CASR: variants seen among roughly 807,000 people sequenced by gnomAD.
CASR encodes calcium sensing receptor.
A neutral mutation model predicts 69.1 loss-of-function variants in CASR; 23 were observed. That is an observed-to-expected ratio of 0.33 (90% CI 0.24 to 0.47). CASR has a LOEUF of 0.47. Ranked by LOEUF, CASR falls within the 20% of genes least tolerant of loss-of-function variation. The pLI, the probability that CASR is intolerant of heterozygous loss-of-function variation, is 1.00. For synonymous variants in CASR, 541 were observed against 544.7 expected (o/e 0.99, Z 0.10); for missense variants, 924 against 1,356.1 (o/e 0.68, Z 5.00).
chr3:122,257,091 C>T lies in CASR; in HGVS notation c.196C>T (p.Arg66Cys), dbSNP rs121909266. 4 of 1,613,986 alleles carry T rather than the reference C, an allele frequency of 2.5e-6. No individual in the cohort carries two copies. Among genetic ancestry groups the T allele is most frequent in the South Asian group, 1.1e-5 (1 of 91,078 alleles). ...TCTTCTTTCTTCCAGGTATAATTTC[C>T]GTGGGTTTCGCTGGTTACAGGCTAT... ...ESVECIRYNF[R>C]GFRWLQAMIF... The change falls in exon 3 of 7, where the codon CGT (arginine) becomes TGT (cysteine). Residue 66 changes from arginine (R) to cysteine (C), a missense_variant. Coordinates refer to ENST00000639785, the MANE Select transcript of CASR (RefSeq NM_000388.4).
Position 122,285,507 on chromosome 3 carries a change from T to A in CASR, c.*316T>A. Reference sequence around the variant, plus strand: ...CCACCCAACAGCTCAGAGATGAAACTATGGCTTTAAACTACCCTCCAGAGT... The same window carrying A: ...CCACCCAACAGCTCAGAGATGAAACAATGGCTTTAAACTACCCTCCAGAGT... On this transcript the variant is annotated 3_prime_UTR_variant, in exon 7 of 7. Coordinates refer to ENST00000639785, the MANE Select transcript of CASR (RefSeq NM_000388.4). 1 of 365,194 alleles carries A rather than the reference T, an allele frequency of 2.7e-6. No homozygotes were observed. The highest frequency in any genetic ancestry group is 2.6e-5 in the South Asian group (1 of 39,130). The allele number at this position is 365,194 out of a possible 1,614,324, so 22.6% of individuals were successfully genotyped here.
rs1241324509 is a variant in CASR at position 122,289,196 on chromosome 3, A to G, written c.*4005A>G. The G allele has an allele frequency of 2.0e-5, 3 of 152,228 alleles. No homozygotes were observed. Among genetic ancestry groups the G allele is most frequent in the African/African-American group, 7.2e-5 (3 of 41,450 alleles). The allele number at this position is 152,228 out of a possible 1,614,324, so 9.4% of individuals were successfully genotyped here. A position where few individuals can be genotyped will look rare whatever the true frequency, so the allele number is the denominator to read the frequency against. On this transcript the variant is annotated 3_prime_UTR_variant, in exon 7 of 7. Coordinates refer to ENST00000639785, the MANE Select transcript of CASR (RefSeq NM_000388.4). ...TTGCTACAAGAATAATGGAACATCA[A>G]TAAGGGGTGCTAATCACCGGAGGAG...
rs2074959633 is a variant in CASR, at chr3:122,285,516, A to C, written c.*325A>C. ...AGCTCAGAGATGAAACTATGGCTTT[A>C]AACTACCCTCCAGAGTGTGCAGACT... On this transcript the variant is annotated 3_prime_UTR_variant, in exon 7 of 7. Transcript: ENST00000639785. 2 of 355,694 alleles carry C rather than the reference A, an allele frequency of 5.6e-6. No individual in the cohort carries two copies. The highest frequency in any genetic ancestry group is 1.4e-4 in the East Asian group (2 of 14,788). The allele number at this position is 355,694 out of a possible 1,614,324, so 22.0% of individuals were successfully genotyped here.
At chr3:122,241,375 A>G (rs2074378102) in intron 1 of CASR, among the ~76,000 whole-genome samples, 1 of 152,186 alleles carries the variant, frequency 6.6e-6, no homozygotes, top group South Asian at 2.1e-4. Flanking sequence ...AGAAATTCAA[A>G]GGAACATTAG....
intron 1 of CASR, among the ~76,000 whole-genome samples, chr3:122,186,799 G>GT (rs2073789727): frequency 6.6e-6 from 1 of 152,142 alleles, no homozygotes; most frequent in Non-Finnish European, 1.5e-5. Flanking sequence ...TGTTGTTTAC[G>GT]TAGGACCAGA....
chr3:122,255,236 G>T (rs1349751440), intron 2 of CASR, among the ~76,000 whole-genome samples: 1 of 150,762 alleles, frequency 6.6e-6, no homozygotes, highest in Non-Finnish European at 1.5e-5. Flanking sequence ...GCAGAATATG[G>T]TTGGGACTGT....
chr3:122,285,082 AG>A lies in CASR; in HGVS notation c.3130del (p.Val1044TrpfsTer12). 6.2e-7 allele frequency: 1 copy of A among 1,614,232 alleles called. No individual in the cohort carries two copies. Among genetic ancestry groups the A allele is most frequent in the South Asian group, 1.1e-5 (1 of 91,090 alleles). On this transcript the variant is annotated frameshift_variant, in exon 7 of 7. Transcript: ENST00000639785. LOFTEE classifies it high-confidence loss of function. ...CCTGTGGGTGGAGACCAGCGGCCAG[AG>A]GTGGAGGACCCTGAAGAGTTGTCCC... ...QGPVGGDQRP[E>X]VEDPEELSPA... is the part of the protein sequence containing the mutation.
intron 1 of CASR, among the ~76,000 whole-genome samples, chr3:122,224,990 G>A (rs902028263): frequency 6.6e-6 from 1 of 152,114 alleles, no homozygotes; most frequent in African/African-American, 2.4e-5. Context: ...TTCAGTAAAT[G>A]GTGCTGGGTT....
rs2107654195 is a variant in CASR at position 122,288,474 on chromosome 3, T to TA, written c.*3284dup. 1 of 152,368 alleles carries TA rather than the reference T, an allele frequency of 6.6e-6. No individual in the cohort carries two copies. Among genetic ancestry groups the TA allele is most frequent in the South Asian group, 2.1e-4 (1 of 4,830 alleles). The allele number at this position is 152,368 out of a possible 1,614,324, so 9.4% of individuals were successfully genotyped here. A position where few individuals can be genotyped will look rare whatever the true frequency, so the allele number is the denominator to read the frequency against. On this transcript the variant is annotated 3_prime_UTR_variant, in exon 7 of 7. Coordinates refer to ENST00000639785, the MANE Select transcript of CASR (RefSeq NM_000388.4). ...CAGAAAACAAATACATTTGTATTGT[T>TA]ATCTCCTTCCCTGAGTTTTGGCAGC...
chr3:122,228,494 A>C (rs981741153), intron 1 of CASR, among the ~76,000 whole-genome samples: 3 of 152,218 alleles, frequency 2.0e-5, no homozygotes, highest in African/African-American at 7.2e-5. Context: ...AGTATTAACC[A>C]GGTGCAGACA....
intron 1 of CASR, among the ~76,000 whole-genome samples, chr3:122,209,555 G>A (rs552448524): frequency 3.9e-5 from 6 of 152,258 alleles, no homozygotes; most frequent in Admixed American, 1.3e-4. Context: ...TGAAGCCATC[G>A]TATCTCATGA....
chr3:122,272,135 T>C (rs1169178398), intron 4 of CASR, among the ~76,000 whole-genome samples: 3 of 141,706 alleles, frequency 2.1e-5, no homozygotes, highest in African/African-American at 7.6e-5. Context: ...ACGAGTAGGA[T>C]TGTTGGGTCA....
In CASR at chr3:122,252,411, AAG is replaced by A. The variant is rs1559954270; in HGVS notation, c.-242-1535_-242-1534del. Among the ~76,000 whole-genome samples, 27 of 29,632 alleles carry A rather than the reference AAG, an allele frequency of 9.1e-4. No individual in the cohort carries two copies. The South Asian group carries it at 1.0e-2, about 11-fold the overall frequency. 19.4% of individuals were successfully genotyped at this position (29,632 alleles called of 152,430 possible). ...GGAAGGAAGGAAGGAAGGAAGGAAA[AAG>A]AAAGAAAGAAAGAAAGAAAGAAAGA... On this transcript the variant is annotated intron_variant, in intron 1 of 6. Transcript: ENST00000639785.
At chr3:122,197,262 G>A (rs6438706) in intron 1 of CASR, among the ~76,000 whole-genome samples, 26,585 of 152,142 alleles carry the variant, frequency 0.17, 2,407 homozygotes, top group African/African-American at 0.21. Context: ...GGTGCTGTGT[G>A]TCCTTGTGTG....
intron 1 of CASR, among the ~76,000 whole-genome samples, chr3:122,249,349 T>C: frequency 6.6e-6 from 1 of 152,260 alleles, no homozygotes. Flanking sequence ...TGCGCCTTTC[T>C]GTCTCTTTTT....
chr3:122,276,972 C>G (rs2074829074), intron 5 of CASR, among the ~76,000 whole-genome samples: 1 of 152,058 alleles, frequency 6.6e-6, no homozygotes, highest in Non-Finnish European at 1.5e-5. Context: ...TCCCAGGAAG[C>G]CTGGATAAGA....
rs547550862 is a variant in CASR at position 122,237,208 on chromosome 3, C to G, written c.-242-16740C>G. On this transcript the variant is annotated intron_variant, in intron 1 of 6. Transcript: ENST00000639785. ...CACTGCAACCTCCACCACCCGGGTT[C>G]AAGCGATTCTTCTGCCTCAGCCTCC... Among the ~76,000 whole-genome samples the G allele has an allele frequency of 5.3e-5, 8 of 150,576 alleles. No homozygotes were observed. In the East Asian group the frequency reaches 1.4e-3, roughly 26 times the overall value.
chr3:122,269,572 T>C (rs936230507), intron 4 of CASR, among the ~76,000 whole-genome samples: 5 of 152,248 alleles, frequency 3.3e-5, no homozygotes, highest in African/African-American at 1.2e-4. Context: ...TATTCCTTTT[T>C]GTACATGTAT....
At chr3:122,196,820 G>C (rs948617615) in intron 1 of CASR, among the ~76,000 whole-genome samples, 2 of 152,036 alleles carry the variant, frequency 1.3e-5, no homozygotes, top group Admixed American at 1.3e-4. Flanking sequence ...GTTTTACTGA[G>C]GTATAATTCA....
Sources: gnomAD v4.1 joint callset for allele counts (sites outside exome capture counted in the v4.1 genomes callset) on GRCh38, gnomAD v4.1.1 for gene constraint, MANE v1.5 for transcripts, NCBI Gene and HGNC (gene_info 2026-07-23, HGNC 2026-07-21) for gene names.